Variants in PHF11 observed in about 807,000 individuals in gnomAD.
PHF11 encodes PHD finger protein 11.
A neutral mutation model predicts 40.5 loss-of-function variants in PHF11; 38 were observed. The ratio of observed to expected loss-of-function variants is 0.94; its 90% CI spans 0.72 to 1.23. The LOEUF (loss-of-function observed/expected upper bound fraction) is 1.23. Among genes scored for constraint, PHF11 ranks in the 50% most tolerant of loss-of-function variants. PHF11 has a pLI of 0.00. For missense variants in PHF11, 369 were observed against 392.4 expected, an observed-to-expected ratio of 0.94 and a Z score of 0.50; for synonymous variants, 127 against 138.2, an observed-to-expected ratio of 0.92 and a Z score of 0.57.
chr13:49,506,901 T>A, intron 2 of PHF11, 145 bp downstream of exon 2: 1 of 374,276 alleles, frequency 2.7e-6, no homozygotes, highest in Non-Finnish European at 4.6e-6. Flanking sequence ...AGCATTTCTT[T>A]TTTTTTTTTT....
chr13:49,528,290 A>G (rs536360569), intron 9 of PHF11, among the ~76,000 whole-genome samples: 1 of 152,300 alleles, frequency 6.6e-6, no homozygotes, highest in East Asian at 1.9e-4. Context: ...GGTTTACTGA[A>G]CAGCTTTGTG....
Position 49,522,059 on chromosome 13 carries a change from G to T in PHF11, c.522G>T (p.Val174=), listed in dbSNP as rs1420632593. The change falls in exon 6 of 10, where the codon GTG becomes GTT. Residue 174 remains valine (V), a synonymous_variant. Coordinates refer to ENST00000378319, the MANE Select transcript of PHF11 (RefSeq NM_001040443.3). ...TATTTTTAGCTAAATTTTCAGGAGT[G>T]AAAAGAAAAAGAGGAAGGAAGAAAC... is the stretch of plus-strand genomic sequence containing the variant. ...IIAQSAKFSG[V]KRKRGRKKPL... 8 of 1,536,112 alleles carry T rather than the reference G, an allele frequency of 5.2e-6. No homozygotes were observed. The highest frequency in any genetic ancestry group is 7.2e-6 in the Non-Finnish European group (8 of 1,111,558).
At chr13:49,513,548 C>T (rs960176726) in intron 3 of PHF11, among the ~76,000 whole-genome samples, 2 of 151,990 alleles carry the variant, frequency 1.3e-5, no homozygotes, top group Admixed American at 6.6e-5. Context: ...CCAGGCTGGT[C>T]GCGAACTCCT....
chr13:49,524,033 T>G lies in PHF11; in HGVS notation c.638-52T>G, dbSNP rs1315274694. 9.3e-6 allele frequency: 14 copies of G among 1,512,448 alleles called. No homozygotes were observed. In the East Asian group the frequency reaches 3.2e-4, roughly 35 times the overall value. 93.7% of individuals were successfully genotyped at this position (1,512,448 alleles called of 1,614,324 possible). A position where few individuals can be genotyped will look rare whatever the true frequency, so the allele number is the denominator to read the frequency against. ...GAAGAAATAAGCATAAAGTAATTTATGATTAGCTGCCCTAAGACTATTTCC... is the reference window on the plus strand; with the variant it reads ...GAAGAAATAAGCATAAAGTAATTTAGGATTAGCTGCCCTAAGACTATTTCC... On this transcript the variant is annotated intron_variant, in intron 7 of 9. Transcript: ENST00000378319.
At chr13:49,507,200 C>T (rs182543727) in intron 2 of PHF11, among the ~76,000 whole-genome samples, 11 of 152,082 alleles carry the variant, frequency 7.2e-5, no homozygotes, top group Non-Finnish European at 1.6e-4. Context: ...CCACCACGCC[C>T]GGGCCTGGGG....
chr13:49,522,218 T>A, intron 6 of PHF11, 111 bp downstream of exon 6: 1 of 578,038 alleles, frequency 1.7e-6, no homozygotes, highest in Non-Finnish European at 3.1e-6. Context: ...ACAGAGAGCC[T>A]TTGAAGAACA....
chr13:49,502,868 A>G (rs1958929108), intron 1 of PHF11, among the ~76,000 whole-genome samples: 1 of 151,184 alleles, frequency 6.6e-6, no homozygotes, highest in African/African-American at 2.4e-5. Context: ...GATAACAGGC[A>G]TGCACCACCA....
intron 5 of PHF11, chr13:49,521,591 T>A: frequency 1.8e-6 from 1 of 558,186 alleles, no homozygotes; most frequent in Non-Finnish European, 2.3e-6. Flanking sequence ...GATACTTCTT[T>A]AAATCAGTGT....
chr13:49,523,628 G>C (rs1414888671), intron 7 of PHF11: 1 of 246,878 alleles, frequency 4.1e-6, no homozygotes, highest in Non-Finnish European at 7.7e-6. Context: ...GACAGGGGCT[G>C]TTATGTCAAA....
intron 1 of PHF11, among the ~76,000 whole-genome samples, chr13:49,497,525 C>T (rs748316580): frequency 6.6e-6 from 1 of 152,210 alleles, no homozygotes; most frequent in Non-Finnish European, 1.5e-5. Context: ...CTGACTGCTT[C>T]TCACCACTTC....
chr13:49,507,055 C>T (rs998939870), intron 2 of PHF11, among the ~76,000 whole-genome samples: 1 of 151,866 alleles, frequency 6.6e-6, no homozygotes, highest in African/African-American at 2.4e-5. Flanking sequence ...AGGTGCCCGC[C>T]ACCATGCCAG....
intron 4 of PHF11, among the ~76,000 whole-genome samples, chr13:49,520,687 T>C (rs1432530112): frequency 2.6e-5 from 4 of 152,052 alleles, no homozygotes; most frequent in Non-Finnish European, 4.4e-5. Context: ...TCTTCCTAAG[T>C]CCCTGAGGGC....
chr13:49,526,018 A>T, intron 8 of PHF11: 1 of 322,644 alleles, frequency 3.1e-6, no homozygotes, highest in Non-Finnish European at 6.1e-6. Flanking sequence ...AAAATACAAA[A>T]ATTAGCCGGG....
chr13:49,518,110 C>T lies in PHF11; in HGVS notation c.417C>T (p.Asp139=), dbSNP rs139845867. 1,202 of 1,607,064 alleles carry T rather than the reference C, an allele frequency of 7.5e-4. 8 individuals are homozygous for T. The East Asian group carries it at 0.023, about 31-fold the overall frequency. ...KNYHFFCAKK[D]DAVPQSDGVR... is the part of the protein sequence containing the mutation. ...ACCACTTTTTCTGTGCCAAGAAGGA[C>T]GACGCAGTTCCACAGTCTGATGGAG... Residue 139 remains aspartate (D), a synonymous_variant, in exon 4 of 10, where the codon GAC becomes GAT. Coordinates refer to ENST00000378319, the MANE Select transcript of PHF11 (RefSeq NM_001040443.3).
chr13:49,503,615 A>G (rs1356215005), intron 1 of PHF11, among the ~76,000 whole-genome samples: 1 of 152,230 alleles, frequency 6.6e-6, no homozygotes, highest in East Asian at 1.9e-4. Flanking sequence ...ACTCTGTACA[A>G]AAGAATGAAT....
chr13:49,526,258 A>G (rs1959271394), intron 8 of PHF11, 129 bp from the exon 9 acceptor site: 4 of 642,786 alleles, frequency 6.2e-6, no homozygotes, highest in Admixed American at 2.6e-5. Flanking sequence ...TGCTGTTGCC[A>G]TCTAACATTA....
intron 3 of PHF11, among the ~76,000 whole-genome samples, chr13:49,517,078 CTT>C (rs1959164909): frequency 6.6e-6 from 1 of 152,114 alleles, no homozygotes; most frequent in African/African-American, 2.4e-5. Context: ...AGGGATCTAA[CTT>C]TATTTTTTTC....
intron 3 of PHF11, among the ~76,000 whole-genome samples, chr13:49,516,582 A>G (rs769374596): frequency 4.6e-5 from 7 of 150,874 alleles, no homozygotes; most frequent in Non-Finnish European, 8.9e-5. Context: ...AAATTTTTGT[A>G]TAGTAGGTTC....
chr13:49,502,448 G>C (rs762585408), intron 1 of PHF11, among the ~76,000 whole-genome samples: 2 of 152,146 alleles, frequency 1.3e-5, no homozygotes, highest in Non-Finnish European at 2.9e-5. Flanking sequence ...TAAATATTCT[G>C]TATATCAAAG....
Sources: gnomAD v4.1 joint callset for allele counts (sites outside exome capture counted in the v4.1 genomes callset) on GRCh38, gnomAD v4.1.1 for gene constraint, MANE v1.5 for transcripts, NCBI Gene and HGNC (gene_info 2026-07-23, HGNC 2026-07-21) for gene names.